LRP1B: variants seen among roughly 807,000 people sequenced by gnomAD.
LRP1B encodes low-density lipoprotein receptor-related protein 1B.
LRP1B carries 217 observed loss-of-function variants against 556.6 expected under a neutral mutation model. The ratio of observed to expected loss-of-function variants is 0.39; its 90% confidence interval spans 0.35 to 0.44. LRP1B has a LOEUF of 0.44. Among genes scored for constraint, LRP1B ranks in the 20% least tolerant of loss-of-function variants. LRP1B has a pLI of 1.00. For missense variants in LRP1B, 5,053 were observed against 5,620.8 expected, an observed-to-expected ratio of 0.90 and a Z score of 3.23; for synonymous variants, 2,047 against 1,865.8, an observed-to-expected ratio of 1.10 and a Z score of -2.50.
chr2:140,728,730 T>C (rs1301309104), intron 35 of LRP1B, among the ~76,000 whole-genome samples: 1 of 152,144 alleles, frequency 6.6e-6, no homozygotes, highest in Non-Finnish European at 1.5e-5. Context: ...TTAAAAGGTT[T>C]AATGAATAGA....
At chr2:141,573,333 C>T (rs1686603406) in intron 2 of LRP1B, among the ~76,000 whole-genome samples, 1 of 152,104 alleles carries the variant, frequency 6.6e-6, no homozygotes, top group Non-Finnish European at 1.5e-5. Context: ...ACAACCTGCT[C>T]CTGAATGACT....
chr2:140,739,706 C>T (rs975857499), intron 35 of LRP1B, among the ~76,000 whole-genome samples: 1 of 152,082 alleles, frequency 6.6e-6, no homozygotes. Context: ...ATAAAAAATA[C>T]CGCTGATTGG....
At chr2:141,342,446 T>A (rs1688100299) in intron 3 of LRP1B, among the ~76,000 whole-genome samples, 1 of 151,876 alleles carries the variant, frequency 6.6e-6, no homozygotes, top group Non-Finnish European at 1.5e-5. Flanking sequence ...GATTAATATC[T>A]TACCAGTATG....
intron 3 of LRP1B, among the ~76,000 whole-genome samples, chr2:141,350,460 A>G (rs1688403431): frequency 6.6e-6 from 1 of 152,022 alleles, no homozygotes; most frequent in South Asian, 2.1e-4. Context: ...CAATGTTCAT[A>G]TTTGTTCAGA....
intron 1 of LRP1B, among the ~76,000 whole-genome samples, chr2:142,045,760 AC>A (rs1704237711): frequency 1.3e-5 from 2 of 152,044 alleles, no homozygotes; most frequent in South Asian, 4.1e-4. Flanking sequence ...AAAAGAGTTA[AC>A]AGGTTTTCCG....
At chr2:140,375,823 C>T (rs988377545) in intron 68 of LRP1B, among the ~76,000 whole-genome samples, 1 of 151,706 alleles carries the variant, frequency 6.6e-6, no homozygotes, top group African/African-American at 2.4e-5. Flanking sequence ...CTGTGTGTGC[C>T]ACAGAGATAA....
In LRP1B at chr2:140,499,422, A is replaced by AC. The variant is rs1491446739; in HGVS notation, c.8850+2264_8850+2265insG. 4.7e-3 allele frequency among the ~76,000 whole-genome samples: 708 copies of AC among 151,770 alleles called. 6 individuals are homozygous for AC. Among genetic ancestry groups the AC allele is most frequent in the African/African-American group, 0.016 (675 of 41,522 alleles). On this transcript the variant is annotated intron_variant, in intron 55 of 90. Transcript: ENST00000389484. Reference sequence around the variant, plus strand: ...TACTTTGAAATGTATCACATAGAACAAACACACACACACACATATACACAC... The same window carrying AC: ...TACTTTGAAATGTATCACATAGAACACAACACACACACACACATATACACAC...
chr2:141,197,945 G>C (rs1009840304), intron 6 of LRP1B, among the ~76,000 whole-genome samples: 1 of 152,004 alleles, frequency 6.6e-6, no homozygotes, highest in Non-Finnish European at 1.5e-5. Context: ...TTCTGTTCTT[G>C]TATATTATGA....
At chr2:142,032,589 A>T (rs1574615402) in intron 1 of LRP1B, among the ~76,000 whole-genome samples, 1 of 151,684 alleles carries the variant, frequency 6.6e-6, no homozygotes, top group African/African-American at 2.4e-5. Context: ...TTTTAGTTTA[A>T]TTTTTGGCCC....
At chr2:140,233,945 AAG>A (rs1680581255) in intron 90 of LRP1B, among the ~76,000 whole-genome samples, 3 of 151,306 alleles carry the variant, frequency 2.0e-5, no homozygotes, top group Non-Finnish European at 4.4e-5. Flanking sequence ...TAGCATTTTG[AAG>A]TAGAATTAGA....
chr2:140,528,740 C>T (rs1690550669), intron 47 of LRP1B, among the ~76,000 whole-genome samples: 2 of 151,598 alleles, frequency 1.3e-5, no homozygotes, highest in Admixed American at 6.6e-5. Flanking sequence ...ATTAATATTG[C>T]CTTCATTAAC....
chr2:141,795,122 G>A (rs566805865), intron 2 of LRP1B, among the ~76,000 whole-genome samples: 81 of 152,220 alleles, frequency 5.3e-4, no homozygotes, highest in African/African-American at 1.8e-3. Flanking sequence ...GTTTTCTTGA[G>A]TGTTGTTTAT....
chr2:141,370,450 T>A (rs1465758612), intron 3 of LRP1B, among the ~76,000 whole-genome samples: 1 of 152,210 alleles, frequency 6.6e-6, no homozygotes, highest in Non-Finnish European at 1.5e-5. Flanking sequence ...TTTGTCTTCT[T>A]TTGAGAAATG....
chr2:141,113,005 A>G (rs566664108), intron 7 of LRP1B, among the ~76,000 whole-genome samples: 12 of 152,362 alleles, frequency 7.9e-5, no homozygotes, highest in South Asian at 6.2e-4. Flanking sequence ...GATAATATGC[A>G]TATTACAAAA....
intron 31 of LRP1B, among the ~76,000 whole-genome samples, chr2:140,835,880 G>A (rs964249802): frequency 7.9e-5 from 12 of 152,126 alleles, no homozygotes; most frequent in African/African-American, 2.2e-4. Context: ...GGACTCCTGC[G>A]TCCATGTGCA....
chr2:140,327,136 A>G (rs566526348), intron 79 of LRP1B, among the ~76,000 whole-genome samples: 1 of 152,096 alleles, frequency 6.6e-6, no homozygotes, highest in Non-Finnish European at 1.5e-5. Context: ...AGTGTTCCCA[A>G]TGAAAACATT....
intron 3 of LRP1B, among the ~76,000 whole-genome samples, chr2:141,339,328 C>T (rs13406775): frequency 0.59 from 89,278 of 150,614 alleles, 27,273 homozygotes; most frequent in African/African-American, 0.68. Context: ...TTCAAAACTA[C>T]TGAATTTAAT....
At chr2:140,438,011 T>C (rs1335662025) in intron 66 of LRP1B, among the ~76,000 whole-genome samples, 2 of 151,984 alleles carry the variant, frequency 1.3e-5, no homozygotes, top group Non-Finnish European at 2.9e-5. Context: ...GTGTGAAATA[T>C]TTCTTTTTGA....
chr2:140,330,183 G>T, intron 79 of LRP1B, among the ~76,000 whole-genome samples: 1 of 143,718 alleles, frequency 7.0e-6, no homozygotes. Context: ...CTGGGCGACA[G>T]AGCAAGACTC....
Sources: gnomAD v4.1 joint callset for allele counts (sites outside exome capture counted in the v4.1 genomes callset) on GRCh38, gnomAD v4.1.1 for gene constraint, MANE v1.5 for transcripts, NCBI Gene and HGNC (gene_info 2026-07-23, HGNC 2026-07-21) for gene names.